The following MRPS21 variants were observed in gnomAD, a reference collection of about 807,000 sequenced individuals.
MRPS21 encodes the protein small ribosomal subunit protein bS21m.
In MRPS21, 8 loss-of-function variants were observed where a neutral mutation model predicts 9.9. That is an observed-to-expected ratio of 0.81 (90% CI 0.47 to 1.45). MRPS21 has a LOEUF of 1.45. Ranked by LOEUF, MRPS21 falls within the 40% of genes most tolerant of loss-of-function variation. The pLI, the probability that MRPS21 is intolerant of heterozygous loss-of-function variation, is 0.00. For missense variants in MRPS21, 101 were observed against 118.9 expected (o/e 0.85, Z 0.70); for synonymous variants, 40 against 40.3 (o/e 0.99, Z 0.03).
At chr1:150,304,380 T>A (rs1553858186) in intron 2 of MRPS21, among the ~76,000 whole-genome samples, 1 of 151,762 alleles carries the variant, frequency 6.6e-6, no homozygotes, top group Non-Finnish European at 1.5e-5. Context: ...AGCTGGGAAT[T>A]GTTAGAAATG....
chr1:150,306,811 A>G (rs778156781), intron 2 of MRPS21, among the ~76,000 whole-genome samples: 2 of 152,088 alleles, frequency 1.3e-5, no homozygotes, highest in Non-Finnish European at 2.9e-5. Context: ...ACTTTAAGTA[A>G]GAGAATCACC....
chr1:150,301,583 G>T (rs1572148389), intron 2 of MRPS21, among the ~76,000 whole-genome samples: 1 of 151,808 alleles, frequency 6.6e-6, no homozygotes, highest in Non-Finnish European at 1.5e-5. Flanking sequence ...GGGGGGAAAT[G>T]AACAAATATT....
intron 2 of MRPS21, among the ~76,000 whole-genome samples, chr1:150,295,390 C>T (rs1185975134): frequency 6.6e-6 from 1 of 152,188 alleles, no homozygotes; most frequent in African/African-American, 2.4e-5. Context: ...ACGCACGCCA[C>T]CACCGCAGTT....
At chr1:150,302,479 C>T (rs1228963067) in intron 2 of MRPS21, among the ~76,000 whole-genome samples, 2 of 152,158 alleles carry the variant, frequency 1.3e-5, no homozygotes, top group Non-Finnish European at 1.5e-5. Flanking sequence ...CCATTGAGTC[C>T]TTCTGCATAC....
chr1:150,308,202 C>A lies in MRPS21; in HGVS notation c.238C>A (p.Arg80=), dbSNP rs143827409. ...RKINFLMRKN[R]ADPWQGC ...GATCAACTTCTTGATGCGAAAGAAT[C>A]GGGCAGATCCGTGGCAGGGCTGCTG... is the stretch of plus-strand genomic sequence containing the variant. Residue 80 remains arginine (R), a synonymous_variant, in exon 3 of 3, where the codon CGG becomes AGG. Transcript: ENST00000614145. 5.5e-5 allele frequency: 88 copies of A among 1,599,618 alleles called. No individual in the cohort carries two copies. Among genetic ancestry groups the A allele is most frequent in the Admixed American group, 6.7e-5 (4 of 59,798 alleles).
At chr1:150,301,591 A>G (rs1654134493) in intron 2 of MRPS21, among the ~76,000 whole-genome samples, 2 of 150,974 alleles carry the variant, frequency 1.3e-5, no homozygotes, top group African/African-American at 4.9e-5. Flanking sequence ...ATGAACAAAT[A>G]TTTCAGTCTT....
At chr1:150,301,363 TG>T in intron 2 of MRPS21, 1 of 268,086 alleles carries the variant, frequency 3.7e-6, no homozygotes, top group South Asian at 3.0e-5. Flanking sequence ...CCGGACATGG[TG>T]GCAGGTGCCT....
intron 2 of MRPS21, among the ~76,000 whole-genome samples, chr1:150,302,560 C>T (rs1226121742): frequency 1.3e-5 from 2 of 152,180 alleles, no homozygotes; most frequent in African/African-American, 4.8e-5. Flanking sequence ...CCGCTCCAGG[C>T]AGCTTGGCTC....
At chr1:150,300,510 CAA>C (rs1553857478) in intron 2 of MRPS21, among the ~76,000 whole-genome samples, 34 of 152,226 alleles carry the variant, frequency 2.2e-4, no homozygotes, top group Admixed American at 1.1e-3. Flanking sequence ...TAATGTTTGT[CAA>C]ACTTTTTTAC....
At chr1:150,295,349 G>T (rs1653877418) in intron 2 of MRPS21, among the ~76,000 whole-genome samples, 1 of 152,100 alleles carries the variant, frequency 6.6e-6, no homozygotes. Flanking sequence ...CAATCCTCCT[G>T]CCTCAGTCTC....
At chr1:150,307,305 C>T (rs1553858682) in intron 2 of MRPS21, among the ~76,000 whole-genome samples, 1 of 149,474 alleles carries the variant, frequency 6.7e-6, no homozygotes, top group Non-Finnish European at 1.5e-5. Context: ...GCCTCGGCTT[C>T]CCGAAGTGCT....
chr1:150,294,576 G>A (rs1572141056), intron 2 of MRPS21, 127 bp downstream of exon 2: 1 of 779,656 alleles, frequency 1.3e-6, no homozygotes, highest in Non-Finnish European at 2.1e-6. Context: ...CTCTTAAAAC[G>A]TCTCAGCCCC....
intron 2 of MRPS21, among the ~76,000 whole-genome samples, chr1:150,295,538 G>C (rs968865410): frequency 4.6e-5 from 7 of 152,198 alleles, no homozygotes; most frequent in African/African-American, 1.7e-4. Context: ...TTGCTAGGAA[G>C]CGGGAACGTA....
At chr1:150,305,048 G>T (rs1334267865) in intron 2 of MRPS21, 1 of 393,682 alleles carries the variant, frequency 2.5e-6, no homozygotes, top group African/African-American at 2.1e-5. Flanking sequence ...TCAAAAGAAA[G>T]AAAGAAATAG....
At chr1:150,306,940 G>A (rs1157080478) in intron 2 of MRPS21, among the ~76,000 whole-genome samples, 1 of 152,122 alleles carries the variant, frequency 6.6e-6, no homozygotes, top group Non-Finnish European at 1.5e-5. Flanking sequence ...TTCAGGTACT[G>A]TATCATATCC....
rs921070915 is a variant in MRPS21 at position 150,293,914 on chromosome 1, G to C, written c.-33+16G>C. The C allele has an allele frequency of 1.5e-5, 3 of 203,308 alleles. No homozygotes were observed. In the East Asian group the frequency reaches 3.5e-4, roughly 24 times the overall value. The allele number at this position is 203,308 out of a possible 1,614,324, so 12.6% of individuals were successfully genotyped here. A position where few individuals can be genotyped will look rare whatever the true frequency, so the allele number is the denominator to read the frequency against. On this transcript the variant is annotated intron_variant, in intron 1 of 2. Transcript: ENST00000614145. ...AGCGCGCGAGGTGAGGAGTTGTGCA[G>C]GGTTTGGGGAAAGGAAGGCTGGCTT...
intron 2 of MRPS21, 135 bp downstream of exon 2, chr1:150,294,584 C>A: frequency 1.3e-6 from 1 of 744,546 alleles, no homozygotes; most frequent in Non-Finnish European, 2.3e-6. Context: ...ACGTCTCAGC[C>A]CCTCAGTTTA....
intron 2 of MRPS21, among the ~76,000 whole-genome samples, chr1:150,296,570 C>T (rs1653922636): frequency 6.6e-6 from 1 of 151,968 alleles, no homozygotes; most frequent in Non-Finnish European, 1.5e-5. Flanking sequence ...CATAGTGAGA[C>T]CATGTCTCTT....
intron 2 of MRPS21, among the ~76,000 whole-genome samples, chr1:150,295,993 C>T (rs1300848491): frequency 6.8e-6 from 1 of 148,148 alleles, no homozygotes; most frequent in Non-Finnish European, 1.5e-5. Context: ...TGCTCTGTTG[C>T]CAGGCTGGAG....
Sources: gnomAD v4.1 joint callset for allele counts (sites outside exome capture counted in the v4.1 genomes callset) on GRCh38, gnomAD v4.1.1 for gene constraint, MANE v1.5 for transcripts, NCBI Gene and HGNC (gene_info 2026-07-23, HGNC 2026-07-21) for gene names.